The following EPHA6 variants were observed in gnomAD, a reference collection of about 807,000 sequenced individuals.
The protein encoded by EPHA6 is EPH receptor A6.
EPHA6 carries 50 observed loss-of-function variants against 112.0 expected under a neutral mutation model. The observed-to-expected ratio is 0.45, with a 90% CI of 0.36 to 0.56. The LOEUF (loss-of-function observed/expected upper bound fraction) is 0.56. Ranked by LOEUF, EPHA6 falls within the 20% of genes least tolerant of loss-of-function variation. EPHA6 has a pLI of 0.00. For missense variants in EPHA6, 1,280 were observed against 1,417.4 expected (o/e 0.90, Z 1.56); for synonymous variants, 529 against 490.7 (o/e 1.08, Z -1.03).
chr3:97,197,659 C>T (rs1048581973), intron 3 of EPHA6, among the ~76,000 whole-genome samples: 5 of 151,932 alleles, frequency 3.3e-5, no homozygotes, highest in African/African-American at 1.2e-4. Flanking sequence ...GACACAAATA[C>T]TTTCTTGGCC....
chr3:97,132,941 C>A lies in EPHA6; in HGVS notation c.1115-93323C>A, dbSNP rs138866760. On this transcript the variant is annotated intron_variant, in intron 3 of 17. Transcript: ENST00000389672. ...TATTTGCCTTTGAGGATATTGAACT[C>A]TAGCCACTCAAGGTAACGTTTTACT... Among the ~76,000 whole-genome samples, 120 of 152,144 alleles carry A rather than the reference C, an allele frequency of 7.9e-4. 2 individuals are homozygous for A. Among genetic ancestry groups the A allele is most frequent in the African/African-American group, 2.8e-3 (118 of 41,550 alleles).
At chr3:97,151,207 T>G (rs1399955363) in intron 3 of EPHA6, among the ~76,000 whole-genome samples, 1 of 152,160 alleles carries the variant, frequency 6.6e-6, no homozygotes, top group Non-Finnish European at 1.5e-5. Flanking sequence ...CAATTAAAAA[T>G]GAGTCTATGC....
chr3:97,377,224 G>A (rs920639420), intron 5 of EPHA6, among the ~76,000 whole-genome samples: 1 of 152,128 alleles, frequency 6.6e-6, no homozygotes, highest in African/African-American at 2.4e-5. Context: ...CTGTTCTCAT[G>A]GTAGTGAATA....
chr3:97,408,747 G>T (rs1041363705), intron 6 of EPHA6, among the ~76,000 whole-genome samples: 1 of 151,770 alleles, frequency 6.6e-6, no homozygotes, highest in Non-Finnish European at 1.5e-5. Flanking sequence ...ATTCATGAGG[G>T]CTCCACCCCT....
At chr3:97,698,547 A>G (rs2033181337) in intron 14 of EPHA6, among the ~76,000 whole-genome samples, 1 of 152,214 alleles carries the variant, frequency 6.6e-6, no homozygotes, top group Non-Finnish European at 1.5e-5. Flanking sequence ...GACACAATAA[A>G]TTTCAGGATA....
At chr3:97,536,388 G>C (rs1169607203) in intron 11 of EPHA6, among the ~76,000 whole-genome samples, 1 of 152,110 alleles carries the variant, frequency 6.6e-6, no homozygotes, top group Non-Finnish European at 1.5e-5. Context: ...TCCCAGCTTA[G>C]ACAGCAACAA....
intron 1 of EPHA6, among the ~76,000 whole-genome samples, chr3:96,860,836 C>T (rs967047655): frequency 3.3e-5 from 5 of 152,024 alleles, no homozygotes; most frequent in East Asian, 3.9e-4. Flanking sequence ...AATTTGCTTA[C>T]GAAGTGCTGA....
intron 11 of EPHA6, among the ~76,000 whole-genome samples, chr3:97,573,582 T>C (rs74737117): frequency 0.015 from 2,336 of 152,018 alleles, 72 homozygotes; most frequent in African/African-American, 0.053. Flanking sequence ...TATTTATTTT[T>C]TATTTTTTTA....
chr3:97,342,367 A>G (rs1223536654), intron 5 of EPHA6, among the ~76,000 whole-genome samples: 1 of 152,236 alleles, frequency 6.6e-6, no homozygotes, highest in Non-Finnish European at 1.5e-5. Flanking sequence ...GAACACTGTC[A>G]TCAATTCAAA....
chr3:96,961,119 G>A (rs1341179868), intron 2 of EPHA6, among the ~76,000 whole-genome samples: 1 of 152,212 alleles, frequency 6.6e-6, no homozygotes, highest in African/African-American at 2.4e-5. Flanking sequence ...GCTTGAAGAG[G>A]GCAGGTTTCA....
chr3:97,584,742 T>C (rs1185503226), intron 11 of EPHA6, among the ~76,000 whole-genome samples: 2 of 152,154 alleles, frequency 1.3e-5, no homozygotes, highest in South Asian at 2.1e-4. Context: ...CATGAAGGCA[T>C]GGAGACATGA....
intron 14 of EPHA6, among the ~76,000 whole-genome samples, chr3:97,714,956 TAAAAAG>T (rs1339763623): frequency 6.6e-6 from 1 of 152,148 alleles, no homozygotes; most frequent in Middle Eastern, 3.2e-3. Context: ...AGTTAAAAAA[TAAAAAG>T]AAAGAAAAAG....
At chr3:97,121,913 G>T (rs2048051879) in intron 3 of EPHA6, among the ~76,000 whole-genome samples, 2 of 151,998 alleles carry the variant, frequency 1.3e-5, no homozygotes, top group African/African-American at 4.8e-5. Context: ...TGAATGGGAT[G>T]CTTAGGTGTC....
At chr3:97,357,525 G>T (rs2084148274) in intron 5 of EPHA6, among the ~76,000 whole-genome samples, 1 of 152,092 alleles carries the variant, frequency 6.6e-6, no homozygotes, top group South Asian at 2.1e-4. Context: ...TTGGTCATAT[G>T]TTTTTATCCA....
At chr3:97,726,974 G>A (rs183619427) in intron 15 of EPHA6, among the ~76,000 whole-genome samples, 1 of 151,960 alleles carries the variant, frequency 6.6e-6, no homozygotes, top group African/African-American at 2.4e-5. Context: ...GCAGTCTTGG[G>A]TTTTGTTTCG....
intron 5 of EPHA6, among the ~76,000 whole-genome samples, chr3:97,352,617 G>A (rs559743094): frequency 6.6e-6 from 1 of 152,166 alleles, no homozygotes; most frequent in African/African-American, 2.4e-5. Flanking sequence ...TAGCTAGAGG[G>A]GAGGTGTCCA....
chr3:97,523,845 A>G (rs1354630321), intron 10 of EPHA6, among the ~76,000 whole-genome samples: 1 of 151,984 alleles, frequency 6.6e-6, no homozygotes, highest in African/African-American at 2.4e-5. Flanking sequence ...AAAGGAGGTC[A>G]TTCTAATATA....
At chr3:97,162,950 C>T (rs2076451250) in intron 3 of EPHA6, among the ~76,000 whole-genome samples, 1 of 152,126 alleles carries the variant, frequency 6.6e-6, no homozygotes, top group Non-Finnish European at 1.5e-5. Flanking sequence ...ATTATCATAA[C>T]CCTTCCCACT....
intron 5 of EPHA6, among the ~76,000 whole-genome samples, chr3:97,354,732 G>A (rs2083981290): frequency 6.6e-6 from 1 of 152,072 alleles, no homozygotes; most frequent in East Asian, 1.9e-4. Context: ...CCTAGAGAAA[G>A]ATATCAATGT....
Sources: allele counts gnomAD v4.1 joint callset (sites outside exome capture counted in the v4.1 genomes callset), GRCh38; gene constraint gnomAD v4.1.1; transcripts MANE v1.5; gene names NCBI Gene and HGNC (gene_info 2026-07-23, HGNC 2026-07-21).